Variants in RTN4 observed in about 807,000 individuals in gnomAD.
The protein encoded by RTN4 is reticulon-4.
A neutral mutation model predicts 90.4 loss-of-function variants in RTN4; 32 were observed. That is an observed-to-expected ratio of 0.35 (90% confidence interval 0.27 to 0.48). The LOEUF (loss-of-function observed/expected upper bound fraction) is 0.48. RTN4 is among the 20% of genes least tolerant of loss of function. RTN4 has a pLI of 0.99. For missense variants in RTN4, 1,706 were observed against 1,430.2 expected (o/e 1.19, Z -3.11); for synonymous variants, 629 against 552.5 (o/e 1.14, Z -1.94).
At position 55,102,117 on chromosome 2, in the gene RTN4, T is replaced by C. The variant is rs1023316530; in HGVS notation, c.-214+10403A>G. 2.0e-5 allele frequency among the ~76,000 whole-genome samples: 3 copies of C among 152,238 alleles called. No homozygotes were observed. The East Asian group carries it at 5.8e-4, about 29-fold the overall frequency. ...TCATGAGCACCAAATTCCTTAAAGA[T>C]GAGATATTGTTATTTCATAACTTTC... On this transcript the variant is annotated intron_variant, in intron 1 of 3. Coordinates refer to the RTN4 transcript ENST00000427710.
chr2:55,124,694 C>G, the RTN4 span, among the ~76,000 whole-genome samples: 1 of 152,082 alleles, frequency 6.6e-6, no homozygotes, highest in African/African-American at 2.4e-5. Flanking sequence ...ACAATCTTCA[C>G]AGAACTAGAA....
intron 3 of RTN4, among the ~76,000 whole-genome samples, chr2:55,024,025 C>T (rs1020690611): frequency 6.6e-6 from 1 of 152,134 alleles, no homozygotes; most frequent in African/African-American, 2.4e-5. Flanking sequence ...TGTATAATAT[C>T]CATAACTTAC....
chr2:55,112,327 G>A (rs1460138904), intron 1 of RTN4, among the ~76,000 whole-genome samples: 1 of 152,210 alleles, frequency 6.6e-6, no homozygotes, highest in East Asian at 1.9e-4. Context: ...CATTTTACAG[G>A]TGAGGAAACC....
intron 1 of RTN4, among the ~76,000 whole-genome samples, chr2:55,083,513 C>G (rs189724811): frequency 7.4e-4 from 113 of 151,990 alleles, no homozygotes; most frequent in African/African-American, 2.6e-3. Context: ...GAAAAAAAAA[C>G]AACCAGGATG....
intron 6 of RTN4, 125 bp downstream of exon 6, chr2:54,974,570 C>T (rs749534190): frequency 5.5e-5 from 44 of 804,644 alleles, no homozygotes; most frequent in Non-Finnish European, 6.7e-5. Context: ...CATGAGCTAC[C>T]GCGCCCGGCC....
At chr2:54,983,096 G>A (rs1678275025) in intron 4 of RTN4, among the ~76,000 whole-genome samples, 1 of 148,682 alleles carries the variant, frequency 6.7e-6, no homozygotes, top group African/African-American at 2.5e-5. Flanking sequence ...TTGACACTAT[G>A]TTGTCTCATC....
At chr2:55,045,326 G>A (rs960559745) in intron 1 of RTN4, among the ~76,000 whole-genome samples, 7 of 152,022 alleles carry the variant, frequency 4.6e-5, no homozygotes, top group African/African-American at 1.2e-4. Context: ...CAGCCTCTTC[G>A]TAAACTAACT....
In RTN4 at chr2:54,976,995, T is replaced by C. The variant is rs142584781; in HGVS notation, c.3361-2231A>G. Among the ~76,000 whole-genome samples the C allele has an allele frequency of 5.2e-4, 80 of 152,398 alleles. 1 individual carries two copies. Among genetic ancestry groups the C allele is most frequent in the African/African-American group, 1.9e-3 (79 of 41,596 alleles). On this transcript the variant is annotated intron_variant, in intron 5 of 8. Coordinates refer to ENST00000337526, the MANE Select transcript of RTN4 (RefSeq NM_020532.5). Reference sequence around the variant, plus strand: ...AGGGGCAAGGGCCACATCTGGTTTATCTTTCTTCCAGGGCAATAAGAGAAT... The same window carrying C: ...AGGGGCAAGGGCCACATCTGGTTTACCTTTCTTCCAGGGCAATAAGAGAAT...
intron 1 of RTN4, among the ~76,000 whole-genome samples, chr2:55,106,064 G>A (rs1667937992): frequency 6.6e-6 from 1 of 152,008 alleles, no homozygotes; most frequent in Admixed American, 6.6e-5. Flanking sequence ...CTTTTCAAAA[G>A]CACATATTCA....
At chr2:55,095,912 G>C (rs1460480496) in intron 1 of RTN4, among the ~76,000 whole-genome samples, 1 of 152,150 alleles carries the variant, frequency 6.6e-6, no homozygotes, top group African/African-American at 2.4e-5. Context: ...GACTGATCAG[G>C]CAATTTGTAG....
At chr2:55,066,177 G>GTGTGTGTGTGTT (rs1325022696) in intron 2 of RTN4, among the ~76,000 whole-genome samples, 7 of 113,770 alleles carry the variant, frequency 6.2e-5, no homozygotes, top group Admixed American at 2.8e-4. Context: ...ATTTGTGTGT[G>GTGTGTGTGTGTT]TGTGTGTGTG....
At chr2:55,032,021 T>C (rs906263976) in intron 1 of RTN4, among the ~76,000 whole-genome samples, 7 of 151,052 alleles carry the variant, frequency 4.6e-5, no homozygotes, top group Admixed American at 4.6e-4. Context: ...AGCAAGAAAA[T>C]ATGACCATAA....
At position 55,049,950 on chromosome 2, in the gene RTN4, C is replaced by A. The variant is rs1014108799; in HGVS notation, c.351G>T (p.Val117=). ...CAGCAGACAGCGGGGATGGCGCGGG[C>A]ACGGTCGACGACACCGGGCTCGGGT... ...SWDPSPVSST[V]PAPSPLSAAA... Residue 117 remains valine (V), a synonymous_variant, in exon 1 of 9, where the codon GTG becomes GTT. Transcript: ENST00000337526. The A allele has an allele frequency of 5.9e-6, 8 of 1,352,290 alleles. No individual in the cohort carries two copies. The African/African-American group carries it at 1.2e-4, about 21-fold the overall frequency. 83.8% of individuals were successfully genotyped at this position (1,352,290 alleles called of 1,614,324 possible). A position where few individuals can be genotyped will look rare whatever the true frequency, so the allele number is the denominator to read the frequency against.
chr2:55,023,196 CA>C (rs1681577264), intron 3 of RTN4, among the ~76,000 whole-genome samples: 1 of 152,090 alleles, frequency 6.6e-6, no homozygotes, highest in Non-Finnish European at 1.5e-5. Context: ...GCCCACCTGC[CA>C]AAACACATCC....
chr2:55,032,541 A>G (rs1359408123), intron 1 of RTN4, among the ~76,000 whole-genome samples: 1 of 152,204 alleles, frequency 6.6e-6, no homozygotes, highest in African/African-American at 2.4e-5. Flanking sequence ...GAAAATAATC[A>G]CTAGATGAGC....
chr2:54,994,809 A>T (rs907270364), intron 3 of RTN4, among the ~76,000 whole-genome samples: 2 of 152,254 alleles, frequency 1.3e-5, no homozygotes. Flanking sequence ...GTAAATCCTC[A>T]CTTAAATGTT....
chr2:55,100,001 G>C (rs1329021761), intron 1 of RTN4, among the ~76,000 whole-genome samples: 1 of 152,030 alleles, frequency 6.6e-6, no homozygotes, highest in African/African-American at 2.4e-5. Flanking sequence ...CTAGTGACAT[G>C]CTGACTTATT....
chr2:54,978,959 G>A (rs963932382), intron 5 of RTN4, among the ~76,000 whole-genome samples: 1 of 151,998 alleles, frequency 6.6e-6, no homozygotes, highest in Admixed American at 6.5e-5. Context: ...GCTTTAGGGT[G>A]ACAGAATATA....
the RTN4 span, among the ~76,000 whole-genome samples, chr2:55,137,764 T>C: frequency 3.9e-3 from 592 of 152,228 alleles, 10 homozygotes; most frequent in African/African-American, 0.013. Context: ...TGAAATCTCA[T>C]TTCCCTTCAC....
Sources: gnomAD v4.1 joint callset for allele counts (sites outside exome capture counted in the v4.1 genomes callset) on GRCh38, gnomAD v4.1.1 for gene constraint, MANE v1.5 for transcripts, NCBI Gene and HGNC (gene_info 2026-07-23, HGNC 2026-07-21) for gene names.